The following SPTBN1 variants were observed in gnomAD, a reference collection of about 807,000 sequenced individuals.
The protein encoded by SPTBN1 is spectrin beta chain, non-erythrocytic 1.
A neutral mutation model predicts 266.4 loss-of-function variants in SPTBN1; 32 were observed. That is an observed-to-expected ratio of 0.12 (90% CI 0.09 to 0.16). The LOEUF is 0.16. Ranked by LOEUF, SPTBN1 falls within the 10% of genes least tolerant of loss-of-function variation. The pLI is 1.00. For synonymous variants in SPTBN1, 1,336 were observed against 1,162.2 expected, an observed-to-expected ratio of 1.15 and a Z score of -3.04; for missense variants, 2,296 against 3,067.1, an observed-to-expected ratio of 0.75 and a Z score of 5.94.
At chr2:54,588,566 G>T (rs1244083825) in intron 2 of SPTBN1, among the ~76,000 whole-genome samples, 1 of 152,182 alleles carries the variant, frequency 6.6e-6, no homozygotes, top group Non-Finnish European at 1.5e-5. Flanking sequence ...AAACCAGTCT[G>T]TGCCTCAGCC....
At position 54,645,051 on chromosome 2, in the gene SPTBN1, G is replaced by A. The variant is rs1679828801; in HGVS notation, c.4270-178G>A. The A allele has an allele frequency of 1.4e-5, 9 of 625,038 alleles. No individual in the cohort carries two copies. In the South Asian group the frequency reaches 1.6e-4, roughly 11 times the overall value. 38.7% of individuals were successfully genotyped at this position (625,038 alleles called of 1,614,324 possible). A position where few individuals can be genotyped will look rare whatever the true frequency, so the allele number is the denominator to read the frequency against. On this transcript the variant is annotated intron_variant, in intron 20 of 35. Coordinates refer to ENST00000356805, the MANE Select transcript of SPTBN1 (RefSeq NM_003128.3). The surrounding 1 kb of genome is among the most constrained non-coding windows in gnomAD (Gnocchi z 4.3). ...TTTAAGGGCAAATGAATTTACCTCA[G>A]ATTTACTTGAAAACAGTTCCATTGA...
intron 1 of SPTBN1, among the ~76,000 whole-genome samples, chr2:54,525,045 G>C (rs1327654299): frequency 2.0e-5 from 3 of 152,030 alleles, no homozygotes; most frequent in South Asian, 2.1e-4. Flanking sequence ...GGTCCTTATT[G>C]CGTTCATTTT....
chr2:54,531,850 G>A (rs1671272317), intron 2 of SPTBN1, among the ~76,000 whole-genome samples: 1 of 151,958 alleles, frequency 6.6e-6, no homozygotes. Context: ...ACTTGACCTG[G>A]AGCACCTGGC....
intron 34 of SPTBN1, 149 bp from the exon 35 acceptor site, chr2:54,667,455 G>C (rs1681439736): frequency 9.6e-6 from 6 of 622,384 alleles, no homozygotes; most frequent in Non-Finnish European, 2.8e-6. Flanking sequence ...GGCCTGGGCG[G>C]GTCCCCAGGC....
At chr2:54,529,322 T>A (rs1453169083) in intron 2 of SPTBN1, 1 of 532,198 alleles carries the variant, frequency 1.9e-6, no homozygotes, top group African/African-American at 1.9e-5. Context: ...ACCTCAAAGA[T>A]ACACTTGAGA....
At chr2:54,503,528 G>C (rs759510570) in intron 1 of SPTBN1, among the ~76,000 whole-genome samples, 1 of 152,224 alleles carries the variant, frequency 6.6e-6, no homozygotes, top group African/African-American at 2.4e-5. Context: ...GAATTTGAAA[G>C]TGTCCAAGGG....
At chr2:54,462,583 C>G (rs1693420344) in intron 1 of SPTBN1, among the ~76,000 whole-genome samples, 1 of 152,116 alleles carries the variant, frequency 6.6e-6, no homozygotes, top group South Asian at 2.1e-4. Context: ...CTTGCCAGGA[C>G]TTGAAGTTGT....
intron 2 of SPTBN1, among the ~76,000 whole-genome samples, chr2:54,574,978 G>T (rs961925849): frequency 6.6e-6 from 1 of 152,166 alleles, no homozygotes; most frequent in Non-Finnish European, 1.5e-5. Flanking sequence ...AAGATGACTT[G>T]AGGTGGCAGC....
Position 54,646,009 on chromosome 2 carries a change from A to G in SPTBN1, c.4576A>G (p.Lys1526Glu), listed in dbSNP as rs770304744. 2.5e-6 allele frequency: 4 copies of G among 1,614,198 alleles called. No individual in the cohort carries two copies. Among genetic ancestry groups the G allele is most frequent in the Non-Finnish European group, 3.4e-6 (4 of 1,180,040 alleles). ...CCAGACTGTGCAGCTGTTAATAAAG[A>G]AAAATCAGGTAAGCCTTTCTGCTCG... ...NLQTVQLLIK[K>E]NQTLQKEIQG... Residue 1526 changes from lysine (K) to glutamate (E), a missense_variant, in exon 22 of 36, where the codon AAA (lysine) becomes GAA (glutamate). Physicochemically the swap from Lys to Glu is moderately conservative, Grantham distance 56. This residue lies in a region of SPTBN1 where 644 missense variants were observed against 745.3 expected (regional missense o/e 0.86). Transcript: ENST00000356805. This position sits in a 1 kb window ranked among gnomAD's most constrained non-coding sequence, Gnocchi z 4.4.
At chr2:54,559,276 A>G (rs1195174442) in intron 2 of SPTBN1, among the ~76,000 whole-genome samples, 1 of 152,170 alleles carries the variant, frequency 6.6e-6, no homozygotes, top group Non-Finnish European at 1.5e-5. Flanking sequence ...TTAAAGGTGT[A>G]AAGTGCCGTG....
chr2:54,483,674 G>GGGT (rs1668208454), intron 1 of SPTBN1, among the ~76,000 whole-genome samples: 1 of 152,190 alleles, frequency 6.6e-6, no homozygotes, highest in Admixed American at 6.5e-5. Flanking sequence ...CACAGGAAGT[G>GGGT]GGTAGGAAGA....
chr2:54,527,255 C>G (rs183133842), intron 2 of SPTBN1: 1 of 152,086 alleles, frequency 6.6e-6, no homozygotes, highest in Non-Finnish European at 1.5e-5. Flanking sequence ...GTATCAAAAC[C>G]GAGTTTTTTC....
chr2:54,621,944 A>C (rs796100137), intron 8 of SPTBN1, among the ~76,000 whole-genome samples: 4 of 152,314 alleles, frequency 2.6e-5, no homozygotes, highest in African/African-American at 9.6e-5. Flanking sequence ...TCAAAAATTA[A>C]TGGGCATTTA....
At chr2:54,663,118 A>C (rs1398992828) in intron 32 of SPTBN1, 1 of 152,198 alleles carries the variant, frequency 6.6e-6, no homozygotes, top group Non-Finnish European at 1.5e-5. Flanking sequence ...AAAATCAAGC[A>C]TTGGGCCCAG....
At chr2:54,474,740 T>G (rs921434000) in intron 1 of SPTBN1, among the ~76,000 whole-genome samples, 2 of 152,144 alleles carry the variant, frequency 1.3e-5, no homozygotes, top group African/African-American at 4.8e-5. Context: ...ACTACAAATA[T>G]TAAGGTTTTT....
chr2:54,628,964 A>T lies in SPTBN1; in HGVS notation c.1830A>T (p.Arg610=). 1 of 1,610,666 alleles carries T rather than the reference A, an allele frequency of 6.2e-7. No homozygotes were observed. Among genetic ancestry groups the T allele is most frequent in the East Asian group, 2.2e-5 (1 of 44,848 alleles). The change falls in exon 14 of 36, where the codon CGA becomes CGT. Residue 610 remains arginine, a synonymous_variant. Coordinates refer to ENST00000356805, the MANE Select transcript of SPTBN1 (RefSeq NM_003128.3). The surrounding 1 kb of genome is among the most constrained non-coding windows in gnomAD (Gnocchi z 4.3). ...AGCCCTGTGACCCCCAGGTGATCCG[A>T]GACCGCGTGGCCCACATGGAGTTCT... ...GYKPCDPQVI[R]DRVAHMEFCY... is the part of the protein sequence containing the mutation.
At chr2:54,658,869 G>C (rs1194881042) in intron 30 of SPTBN1, among the ~76,000 whole-genome samples, 4 of 152,172 alleles carry the variant, frequency 2.6e-5, no homozygotes, top group Admixed American at 6.5e-5. Flanking sequence ...CAGCAGAGTT[G>C]AGAGTTGCAT....
In SPTBN1 at chr2:54,599,164, G is replaced by A. The variant is rs372308920; in HGVS notation, c.221G>A (p.Arg74Gln). 6.2e-6 allele frequency: 10 copies of A among 1,614,038 alleles called. No homozygotes were observed. The highest frequency in any genetic ancestry group is 2.7e-5 in the African/African-American group (2 of 74,902). Reference protein sequence around the residue: ...VNSHLARVSCRITDLYTDLRD... With the variant: ...VNSHLARVSCQITDLYTDLRD... Reference sequence around the variant, plus strand: ...TCCCACCTTGCCCGTGTGTCCTGCCGGATCACAGACCTGTACACTGACCTT... The same window carrying A: ...TCCCACCTTGCCCGTGTGTCCTGCCAGATCACAGACCTGTACACTGACCTT... Residue 74 changes from arginine (R) to glutamine (Q), a missense_variant, in exon 3 of 36, where the codon CGG becomes CAG. Transcript: ENST00000356805.
chr2:54,632,793 G>A (rs1460582830), intron 17 of SPTBN1, 25 bp downstream of exon 17: 1 of 1,612,022 alleles, frequency 6.2e-7, no homozygotes, highest in South Asian at 1.1e-5. Context: ...GGTTCTTAAG[G>A]GAGCCTTGCA....
Sources: allele counts gnomAD v4.1 joint callset (sites outside exome capture counted in the v4.1 genomes callset), GRCh38; gene constraint gnomAD v4.1.1; regional missense constraint gnomAD v4.1.1; non-coding constraint Gnocchi (gnomAD v3.1); transcripts MANE v1.5; gene names NCBI Gene and HGNC (gene_info 2026-07-23, HGNC 2026-07-21).